The following CAPZA2 variants were observed in gnomAD, a reference collection of about 807,000 sequenced individuals.
The protein encoded by CAPZA2 is capping actin protein of muscle Z-line subunit alpha 2.
CAPZA2 carries 13 observed loss-of-function variants against 44.0 expected under a neutral mutation model. That is an observed-to-expected ratio of 0.30 (90% CI 0.19 to 0.47). The LOEUF (loss-of-function observed/expected upper bound fraction) is 0.47. CAPZA2 is among the 20% of genes least tolerant of loss of function. The pLI is 1.00. For missense variants in CAPZA2, 244 were observed against 338.6 expected (o/e 0.72, Z 2.19); for synonymous variants, 94 against 108.2 (o/e 0.87, Z 0.81).
intron 4 of CAPZA2, among the ~76,000 whole-genome samples, chr7:116,903,633 G>A (rs1321335061): frequency 1.3e-5 from 2 of 152,102 alleles, no homozygotes; most frequent in African/African-American, 4.8e-5. Flanking sequence ...TGGAAATGAA[G>A]TATGTTTTTA....
At chr7:116,904,980 A>C (rs1322422698) in intron 5 of CAPZA2, among the ~76,000 whole-genome samples, 1 of 149,790 alleles carries the variant, frequency 6.7e-6, no homozygotes, top group Non-Finnish European at 1.5e-5. Context: ...AAAAAAAAAA[A>C]AAAAAAAAAC....
intron 1 of CAPZA2, among the ~76,000 whole-genome samples, chr7:116,863,084 G>T (rs1333006184): frequency 6.6e-6 from 1 of 152,212 alleles, no homozygotes; most frequent in Non-Finnish European, 1.5e-5. Flanking sequence ...CGGCGGCCTG[G>T]CCTGTGAGTG....
intron 7 of CAPZA2, among the ~76,000 whole-genome samples, chr7:116,911,337 G>C (rs1048488813): frequency 6.6e-6 from 1 of 152,124 alleles, no homozygotes; most frequent in African/African-American, 2.4e-5. Context: ...TTTAAATGTG[G>C]ATATGTTACT....
intron 3 of CAPZA2, among the ~76,000 whole-genome samples, chr7:116,895,644 T>G (rs765763134): frequency 2.6e-5 from 4 of 151,994 alleles, no homozygotes; most frequent in Non-Finnish European, 5.9e-5. Context: ...TGCATGTAGT[T>G]ATAATCTCAG....
chr7:116,881,078 A>G (rs1796692204), intron 1 of CAPZA2, among the ~76,000 whole-genome samples: 1 of 152,058 alleles, frequency 6.6e-6, no homozygotes, highest in Non-Finnish European at 1.5e-5. Flanking sequence ...ACTTACATGG[A>G]TATTTTTGTA....
At chr7:116,907,491 T>G (rs1172516452) in intron 6 of CAPZA2, among the ~76,000 whole-genome samples, 1 of 152,194 alleles carries the variant, frequency 6.6e-6, no homozygotes, top group Non-Finnish European at 1.5e-5. Flanking sequence ...AAATCAATCT[T>G]GTTGAGATGG....
chr7:116,911,199 T>G lies in CAPZA2; in HGVS notation c.586-870T>G, dbSNP rs149012783. ...TGCCCCTTGTAGGACCAAAGCTTAT[T>G]GAGAGCAAGGATTGTCTGATTCACA... On this transcript the variant is annotated intron_variant, in intron 7 of 9. Coordinates refer to ENST00000361183, the MANE Select transcript of CAPZA2 (RefSeq NM_006136.3). Among the ~76,000 whole-genome samples, 3 of 152,254 alleles carry G rather than the reference T, an allele frequency of 2.0e-5. No individual in the cohort carries two copies. In the East Asian group the frequency reaches 5.8e-4, roughly 29 times the overall value.
intron 8 of CAPZA2, among the ~76,000 whole-genome samples, chr7:116,913,190 A>G (rs1176908912): frequency 2.0e-5 from 3 of 152,206 alleles, no homozygotes; most frequent in Non-Finnish European, 2.9e-5. Flanking sequence ...AGTGTATCAC[A>G]TACATGATTT....
At chr7:116,886,598 T>C (rs1440492883) in intron 1 of CAPZA2, among the ~76,000 whole-genome samples, 1 of 152,224 alleles carries the variant, frequency 6.6e-6, no homozygotes, top group East Asian at 1.9e-4. Context: ...AAGGCTTTGT[T>C]TTTGCCAAGG....
At chr7:116,880,007 TC>T in intron 1 of CAPZA2, 1 of 424,226 alleles carries the variant, frequency 2.4e-6, no homozygotes, top group Non-Finnish European at 4.7e-6. Context: ...TTCTAAGCAC[TC>T]AGATATGGGA....
chr7:116,910,270 A>C lies in CAPZA2; in HGVS notation c.544A>C (p.Thr182Pro). ...GAGGTCAGAATGGAAGTTTACAATC[A>C]CTCCTTCAACCACTCAAGTGGTTGG... ...RWRSEWKFTI[T>P]PSTTQVVGIL... The change falls in exon 7 of 10, where the codon ACT becomes CCT. Residue 182 changes from threonine (T) to proline (P), a missense_variant. Coordinates refer to ENST00000361183, the MANE Select transcript of CAPZA2 (RefSeq NM_006136.3). The C allele has an allele frequency of 6.2e-7, 1 of 1,602,534 alleles. No homozygotes were observed. Among genetic ancestry groups the C allele is most frequent in the Non-Finnish European group, 8.5e-7 (1 of 1,169,614 alleles).
At chr7:116,897,082 C>T (rs1422590040) in intron 3 of CAPZA2, among the ~76,000 whole-genome samples, 2 of 151,844 alleles carry the variant, frequency 1.3e-5, no homozygotes, top group Non-Finnish European at 2.9e-5. Flanking sequence ...TTCCTTTATC[C>T]CCTCCTCCCA....
chr7:116,899,207 T>C (rs1187503796), intron 4 of CAPZA2, among the ~76,000 whole-genome samples: 1 of 152,068 alleles, frequency 6.6e-6, no homozygotes, highest in Non-Finnish European at 1.5e-5. Context: ...GTGAGTAATT[T>C]AGCATTTAGT....
chr7:116,888,270 T>C, intron 2 of CAPZA2, 80 bp downstream of exon 2: 1 of 962,206 alleles, frequency 1.0e-6, no homozygotes, highest in Admixed American at 2.1e-5. Flanking sequence ...CAAAATAAGC[T>C]AAGGACAGTA....
At chr7:116,898,724 A>T in intron 3 of CAPZA2, 48 bp from the exon 4 acceptor site, 1 of 1,279,626 alleles carries the variant, frequency 7.8e-7, no homozygotes, top group Non-Finnish European at 1.1e-6. Context: ...TGTTTTTAAA[A>T]AACATTAAAT....
chr7:116,891,673 G>A (rs919700864), intron 2 of CAPZA2, among the ~76,000 whole-genome samples: 2 of 151,970 alleles, frequency 1.3e-5, no homozygotes, highest in Non-Finnish European at 2.9e-5. Context: ...CACCACGCCC[G>A]GCTAGTTTTT....
At chr7:116,906,133 T>C in intron 5 of CAPZA2, 130 bp from the exon 6 acceptor site, 1 of 1,361,710 alleles carries the variant, frequency 7.3e-7, no homozygotes, top group South Asian at 1.6e-5. Flanking sequence ...TATATTGGAA[T>C]GATGGCCTAC....
chr7:116,867,500 C>T (rs1475638194), intron 1 of CAPZA2, among the ~76,000 whole-genome samples: 2 of 151,642 alleles, frequency 1.3e-5, no homozygotes, highest in Admixed American at 6.6e-5. Context: ...ATAGTTCTGA[C>T]ATTTTCAATA....
At chr7:116,888,233 C>T in intron 2 of CAPZA2, 43 bp downstream of exon 2, 1 of 1,344,452 alleles carries the variant, frequency 7.4e-7, no homozygotes, top group Non-Finnish European at 1.0e-6. Flanking sequence ...ATATCAAGCC[C>T]TCTTTTTAAA....
Sources: gnomAD v4.1 joint callset for allele counts (sites outside exome capture counted in the v4.1 genomes callset) on GRCh38, gnomAD v4.1.1 for gene constraint, MANE v1.5 for transcripts, NCBI Gene and HGNC (gene_info 2026-07-23, HGNC 2026-07-21) for gene names.